The following GRIK1 variants were observed in gnomAD, a reference collection of about 807,000 sequenced individuals.
The protein encoded by GRIK1 is glutamate receptor ionotropic, kainate 1.
GRIK1 carries 69 observed loss-of-function variants against 105.7 expected under a neutral mutation model. That is an observed-to-expected ratio of 0.65 (90% CI 0.54 to 0.80). The LOEUF is 0.80. Ranked by LOEUF, GRIK1 falls within the 30% of genes least tolerant of loss-of-function variation. GRIK1 has a pLI of 0.00. For synonymous variants in GRIK1, 438 were observed against 431.3 expected (o/e 1.02, Z -0.19); for missense variants, 1,109 against 1,167.3 (o/e 0.95, Z 0.73).
chr21:29,695,476 C>CTATCTATATA (rs201600727), intron 1 of GRIK1, among the ~76,000 whole-genome samples: 2 of 139,946 alleles, frequency 1.4e-5, no homozygotes, highest in East Asian at 2.3e-4. Context: ...ATCTATCTAT[C>CTATCTATATA]TATATATATA....
intron 1 of GRIK1, among the ~76,000 whole-genome samples, chr21:29,897,436 T>C (rs1182139691): frequency 6.6e-6 from 1 of 152,216 alleles, no homozygotes; most frequent in Non-Finnish European, 1.5e-5. Flanking sequence ...ATGAAGAAAT[T>C]GGTAGCGATC....
intron 16 of GRIK1, among the ~76,000 whole-genome samples, chr21:29,548,524 A>C (rs1287582359): frequency 1.3e-5 from 2 of 151,472 alleles, no homozygotes; most frequent in African/African-American, 4.8e-5. Flanking sequence ...TTAATTAATA[A>C]TACCATTTGG....
chr21:29,541,400 A>G (rs914705575), intron 16 of GRIK1, among the ~76,000 whole-genome samples: 1 of 152,194 alleles, frequency 6.6e-6, no homozygotes, highest in Non-Finnish European at 1.5e-5. Context: ...TTCCTTATGT[A>G]TAAAGTGAGA....
chr21:29,640,037 A>G (rs1309605022), intron 7 of GRIK1, among the ~76,000 whole-genome samples: 1 of 152,144 alleles, frequency 6.6e-6, no homozygotes, highest in African/African-American at 2.4e-5. Context: ...ACCTCTGCTC[A>G]GGAAGTTTAC....
intron 1 of GRIK1, among the ~76,000 whole-genome samples, chr21:29,795,145 C>T (rs2066523835): frequency 7.0e-6 from 1 of 142,964 alleles, no homozygotes; most frequent in Non-Finnish European, 1.5e-5. Flanking sequence ...AAGTGATTGT[C>T]CTGCCTCAGC....
At chr21:29,550,628 C>T (rs143039463) in intron 16 of GRIK1, among the ~76,000 whole-genome samples, 9 of 152,242 alleles carry the variant, frequency 5.9e-5, no homozygotes, top group African/African-American at 9.6e-5. Flanking sequence ...GTGCAGTGAC[C>T]TCTGCCATTG....
intron 1 of GRIK1, among the ~76,000 whole-genome samples, chr21:29,895,529 G>A (rs950810800): frequency 6.6e-6 from 1 of 152,142 alleles, no homozygotes; most frequent in Non-Finnish European, 1.5e-5. Flanking sequence ...TTGACCATGT[G>A]TCTGGAATGC....
At chr21:29,796,372 C>T (rs1311417224) in intron 1 of GRIK1, among the ~76,000 whole-genome samples, 1 of 152,010 alleles carries the variant, frequency 6.6e-6, no homozygotes, top group Non-Finnish European at 1.5e-5. Context: ...CTGCCCCAAT[C>T]AATTTAATGA....
chr21:29,562,173 A>G (rs1423067338), intron 14 of GRIK1, among the ~76,000 whole-genome samples: 1 of 152,156 alleles, frequency 6.6e-6, no homozygotes, highest in Non-Finnish European at 1.5e-5. Context: ...ACTCAACTCC[A>G]GCAGGTATTG....
chr21:29,616,742 A>C (rs2061859823), intron 7 of GRIK1, among the ~76,000 whole-genome samples: 1 of 152,248 alleles, frequency 6.6e-6, no homozygotes, highest in Non-Finnish European at 1.5e-5. Flanking sequence ...TATTTGACTT[A>C]ATGATGTTTT....
chr21:29,564,228 A>T (rs2090556194), intron 14 of GRIK1, among the ~76,000 whole-genome samples: 1 of 151,904 alleles, frequency 6.6e-6, no homozygotes, highest in African/African-American at 2.4e-5. Context: ...GCTCACTGCA[A>T]GCTCCGCCTC....
chr21:29,853,520 C>G (rs2068371052), intron 1 of GRIK1, among the ~76,000 whole-genome samples: 2 of 152,214 alleles, frequency 1.3e-5, no homozygotes, highest in African/African-American at 4.8e-5. Context: ...AGTGGAGAAT[C>G]ATTTCAGTAG....
At chr21:29,681,039 A>G (rs2063364183) in intron 3 of GRIK1, among the ~76,000 whole-genome samples, 1 of 152,240 alleles carries the variant, frequency 6.6e-6, no homozygotes, top group South Asian at 2.1e-4. Flanking sequence ...AGGCTGAAGC[A>G]GAATAATTGC....
intron 1 of GRIK1, among the ~76,000 whole-genome samples, chr21:29,800,831 C>T (rs1279444825): frequency 2.0e-5 from 3 of 152,090 alleles, no homozygotes; most frequent in East Asian, 3.9e-4. Context: ...TGTATGTAGA[C>T]AAGTCGGAGG....
chr21:29,860,857 A>C (rs2068613619), intron 1 of GRIK1, among the ~76,000 whole-genome samples: 1 of 152,190 alleles, frequency 6.6e-6, no homozygotes, highest in African/African-American at 2.4e-5. Context: ...GTCCAGATTG[A>C]GTATGATATA....
At chr21:29,544,713 C>G (rs1789403240) in intron 16 of GRIK1, among the ~76,000 whole-genome samples, 1 of 152,194 alleles carries the variant, frequency 6.6e-6, no homozygotes, top group Non-Finnish European at 1.5e-5. Flanking sequence ...AAGGCAGGTA[C>G]TTTGAATTGT....
intron 11 of GRIK1, 56 bp downstream of exon 11, chr21:29,588,783 C>T: frequency 1.8e-5 from 17 of 934,022 alleles, no homozygotes; most frequent in Middle Eastern, 2.2e-4. Context: ...TCATTTTTTC[C>T]TCTCTTACTT....
At chr21:29,809,997 A>T (rs2066968897) in intron 1 of GRIK1, among the ~76,000 whole-genome samples, 1 of 152,154 alleles carries the variant, frequency 6.6e-6, no homozygotes, top group Admixed American at 6.6e-5. Context: ...CAACAGTAAC[A>T]TCAAAGATTA....
At chr21:29,633,172 C>T (rs560570933) in intron 7 of GRIK1, among the ~76,000 whole-genome samples, 1 of 152,310 alleles carries the variant, frequency 6.6e-6, no homozygotes, top group South Asian at 2.1e-4. Flanking sequence ...GATGCTATTA[C>T]CTTTATCTGG....
Sources: gnomAD v4.1 joint callset for allele counts (sites outside exome capture counted in the v4.1 genomes callset) on GRCh38, gnomAD v4.1.1 for gene constraint, MANE v1.5 for transcripts, NCBI Gene and HGNC (gene_info 2026-07-23, HGNC 2026-07-21) for gene names.